Variants in RPGRIP1L observed in about 807,000 individuals in gnomAD.
The protein encoded by RPGRIP1L is RPGRIP1 like.
In RPGRIP1L, 131 loss-of-function variants were observed where a neutral mutation model predicts 160.4. That is an observed-to-expected ratio of 0.82 (90% confidence interval 0.71 to 0.94). The LOEUF is 0.94. Among genes scored for constraint, RPGRIP1L ranks in the 40% least tolerant of loss-of-function variants. The pLI is 0.00. For missense variants in RPGRIP1L, 1,522 were observed against 1,535.8 expected, an observed-to-expected ratio of 0.99 and a Z score of 0.15; for synonymous variants, 510 against 515.8, an observed-to-expected ratio of 0.99 and a Z score of 0.15.
intron 24 of RPGRIP1L, among the ~76,000 whole-genome samples, chr16:53,615,468 ATATATTTTTTTTT>A (rs1445826458): frequency 2.9e-5 from 2 of 69,880 alleles, no homozygotes; most frequent in East Asian, 9.2e-4. Context: ...ATATATATAT[ATATATTTTTTTTT>A]TTTTTTTTTT....
At chr16:53,650,939 ACT>A (rs760914985) in intron 15 of RPGRIP1L, among the ~76,000 whole-genome samples, 11 of 151,104 alleles carry the variant, frequency 7.3e-5, no homozygotes, top group Non-Finnish European at 1.2e-4. Flanking sequence ...ATTTACATTC[ACT>A]CTCTATGTGA....
At chr16:53,696,968 T>C (rs948288680) in intron 2 of RPGRIP1L, among the ~76,000 whole-genome samples, 2 of 151,766 alleles carry the variant, frequency 1.3e-5, no homozygotes, top group African/African-American at 4.8e-5. Context: ...CTGGGGCGGG[T>C]GGATCACCTG....
chr16:53,694,170 A>T (rs1310211596), intron 3 of RPGRIP1L: 1 of 152,202 alleles, frequency 6.6e-6, no homozygotes, highest in Non-Finnish European at 1.5e-5. Flanking sequence ...GAGGTGGCTC[A>T]TGGCTGTAAT....
intron 24 of RPGRIP1L, among the ~76,000 whole-genome samples, chr16:53,613,179 C>T (rs1450971806): frequency 6.6e-6 from 1 of 152,054 alleles, no homozygotes; most frequent in African/African-American, 2.4e-5. Context: ...GGATTGTTTC[C>T]ACCTTTGACT....
At chr16:53,668,284 A>T (rs1333615250) in intron 9 of RPGRIP1L, among the ~76,000 whole-genome samples, 1 of 152,206 alleles carries the variant, frequency 6.6e-6, no homozygotes, top group African/African-American at 2.4e-5. Flanking sequence ...GAAACAGAAC[A>T]CAGAGCATCT....
chr16:53,607,994 C>T, intron 25 of RPGRIP1L: 1 of 984,888 alleles, frequency 1.0e-6, no homozygotes, highest in Non-Finnish European at 1.2e-6. Flanking sequence ...AGTCTGAGGA[C>T]CTGGATGGAC....
rs886052095 is a variant in RPGRIP1L, at chr16:53,641,065, A to G, written c.2926T>C (p.Ser976Pro). The change falls in exon 19 of 27, where the codon TCT becomes CCT. Residue 976 changes from serine (S) to proline (P), a missense_variant. Transcript: ENST00000647211. ...QRLTPVDKKV[S>P]FVDIMPHQSD... is the part of the protein sequence containing the mutation. The stretch of plus-strand genomic sequence containing the variant: ...TGATGTGGCATGATATCCACGAAAG[A>G]TACCTTCTTATCTACAGGTGTTAAA... 4.3e-6 allele frequency: 7 copies of G among 1,613,842 alleles called. No individual in the cohort carries two copies. In the East Asian group the frequency reaches 1.6e-4, roughly 36 times the overall value.
intron 24 of RPGRIP1L, among the ~76,000 whole-genome samples, chr16:53,614,687 T>C (rs1964247880): frequency 6.6e-6 from 1 of 152,138 alleles, no homozygotes; most frequent in Admixed American, 6.5e-5. Context: ...ACTCACAATT[T>C]CAAAACTTGA....
intron 24 of RPGRIP1L, among the ~76,000 whole-genome samples, chr16:53,615,500 G>T (rs187832254): frequency 1.2e-3 from 135 of 113,692 alleles, no homozygotes; most frequent in African/African-American, 4.8e-3. Flanking sequence ...TTGAGATGGA[G>T]TCTCGCTCTG....
chr16:53,608,065 C>T (rs1249622165), intron 25 of RPGRIP1L: 5 of 525,876 alleles, frequency 9.5e-6, no homozygotes, highest in African/African-American at 2.1e-5. Context: ...ACCTGAGCTA[C>T]TCCTGCCTCC....
intron 22 of RPGRIP1L, among the ~76,000 whole-genome samples, chr16:53,628,006 C>G (rs189302379): frequency 6.6e-6 from 1 of 152,124 alleles, no homozygotes; most frequent in Non-Finnish European, 1.5e-5. Context: ...TGTATACATG[C>G]ATGATTCCCT....
At chr16:53,696,041 C>T in intron 3 of RPGRIP1L, 110 bp downstream of exon 3, 1 of 1,077,196 alleles carries the variant, frequency 9.3e-7, no homozygotes, top group Admixed American at 1.8e-5. Context: ...TTACATCCTG[C>T]CTTGTTCCAA....
intron 24 of RPGRIP1L, among the ~76,000 whole-genome samples, chr16:53,612,577 G>T (rs1325952101): frequency 7.2e-6 from 1 of 138,198 alleles, no homozygotes; most frequent in Non-Finnish European, 1.5e-5. Flanking sequence ...AAGCTTTTAT[G>T]TCGTACTGGC....
intron 15 of RPGRIP1L, among the ~76,000 whole-genome samples, chr16:53,650,669 CTT>C (rs1966845873): frequency 6.6e-6 from 1 of 152,178 alleles, no homozygotes; most frequent in Non-Finnish European, 1.5e-5. Context: ...ACATTGAAGT[CTT>C]TTTGATTTTT....
rs1441369433 is a variant in RPGRIP1L, at chr16:53,615,468, A to ATT, written c.3616+3556_3616+3557insAA. ...TTTCTAAGAATATATATATATATAT[A>ATT]TATATTTTTTTTTTTTTTTTTTTGA... On this transcript the variant is annotated intron_variant, in intron 24 of 26. Coordinates refer to ENST00000647211, the MANE Select transcript of RPGRIP1L (RefSeq NM_015272.5). Among the ~76,000 whole-genome samples, 403 of 69,812 alleles carry ATT rather than the reference A, an allele frequency of 5.8e-3. 11 individuals are homozygous for ATT. Among genetic ancestry groups the ATT allele is most frequent in the African/African-American group, 0.022 (342 of 15,850 alleles). 45.8% of individuals were successfully genotyped at this position (69,812 alleles called of 152,430 possible).
chr16:53,618,977 T>C lies in RPGRIP1L; in HGVS notation c.3616+48A>G, dbSNP rs369428595. On this transcript the variant is annotated intron_variant, in intron 24 of 26. Coordinates refer to ENST00000647211, the MANE Select transcript of RPGRIP1L (RefSeq NM_015272.5). ...CTGTTCTTTCCACTTCTTTCATAAA[T>C]AAAAAAGACAAACATAAAAGTCTAT... 4 of 1,440,774 alleles carry C rather than the reference T, an allele frequency of 2.8e-6. No homozygotes were observed. In the African/African-American group the frequency reaches 5.6e-5, roughly 20 times the overall value. 89.2% of individuals were successfully genotyped at this position (1,440,774 alleles called of 1,614,324 possible).
intron 16 of RPGRIP1L, among the ~76,000 whole-genome samples, chr16:53,648,141 T>C (rs2151095555): frequency 6.7e-6 from 1 of 148,422 alleles, no homozygotes; most frequent in South Asian, 2.2e-4. Flanking sequence ...TCATGTTATA[T>C]ATGAGAACTC....
intron 26 of RPGRIP1L, among the ~76,000 whole-genome samples, chr16:53,605,107 G>C (rs1353676296): frequency 3.8e-4 from 57 of 151,962 alleles, no homozygotes; most frequent in Admixed American, 3.7e-3. Flanking sequence ...CTTGAGCCTA[G>C]GAAGTCGAGG....
At chr16:53,615,008 A>C (rs1964273478) in intron 24 of RPGRIP1L, among the ~76,000 whole-genome samples, 1 of 152,238 alleles carries the variant, frequency 6.6e-6, no homozygotes. Context: ...AGGAGTCGAT[A>C]ACCCTGAATC....
Sources: gnomAD v4.1 joint callset for allele counts (sites outside exome capture counted in the v4.1 genomes callset) on GRCh38, gnomAD v4.1.1 for gene constraint, MANE v1.5 for transcripts, NCBI Gene and HGNC (gene_info 2026-07-23, HGNC 2026-07-21) for gene names.